Variants in CRK observed in about 807,000 individuals in gnomAD.
CRK encodes adapter molecule crk.
Under a neutral mutation model 29.8 loss-of-function variants are expected in CRK, and 4 were observed. The observed-to-expected ratio is 0.13, with a 90% CI of 0.07 to 0.31. The LOEUF (loss-of-function observed/expected upper bound fraction) is 0.31, where lower values mean the gene tolerates loss of function less well. CRK is among the 10% of genes least tolerant of loss of function. The pLI, the probability that CRK is intolerant of heterozygous loss-of-function variation, is 1.00. For synonymous variants in CRK, 153 were observed against 164.9 expected, an observed-to-expected ratio of 0.93 and a Z score of 0.55; for missense variants, 274 against 396.5, an observed-to-expected ratio of 0.69 and a Z score of 2.62.
At chr17:1,441,381 T>C (rs1478034048) in intron 1 of CRK, among the ~76,000 whole-genome samples, 1 of 152,052 alleles carries the variant, frequency 6.6e-6, no homozygotes, top group African/African-American at 2.4e-5. Context: ...CAAGCTGGAG[T>C]GCAGTAGTGT....
chr17:1,455,965 G>C lies in CRK; in HGVS notation c.153C>G (p.Val51=). ...STSPGDYVLS[V]SENSRVSHYI... ...AGTGGGAGACGCGCGAGTTCTCTGA[G>C]ACGCTGAGCACATAGTCCCCGGGGC... Residue 51 remains valine, a synonymous_variant, in exon 1 of 3, where the codon GTC becomes GTG. Transcript: ENST00000300574. The C allele has an allele frequency of 6.2e-7, 1 of 1,602,868 alleles. No homozygotes were observed. The highest frequency in any genetic ancestry group is 8.5e-7 in the Non-Finnish European group (1 of 1,176,006).
chr17:1,437,072 A>G lies in CRK; in HGVS notation c.325T>C (p.Leu109=), dbSNP rs1291790884. The change falls in exon 2 of 3, where the codon TTG becomes CTG. Residue 109 remains leucine (L), a synonymous_variant. Transcript: ENST00000300574. The part of the protein sequence containing the change: ...ALLEFYKIHY[L]DTTTLIEPVS... ...GGTTCTATCAACGTTGTAGTGTCCA[A>G]ATAGTGTATTTTGTAGAATTCCAGT... 1.2e-6 allele frequency: 2 copies of G among 1,614,064 alleles called. No individual in the cohort carries two copies. Among genetic ancestry groups the G allele is most frequent in the African/African-American group, 2.7e-5 (2 of 74,938 alleles).
At chr17:1,431,569 AG>A (rs1419764491) in intron 2 of CRK, among the ~76,000 whole-genome samples, 14 of 151,646 alleles carry the variant, frequency 9.2e-5, no homozygotes, top group African/African-American at 3.2e-4. Flanking sequence ...AAAATACAAA[AG>A]AAAAAAAAAA....
chr17:1,454,961 C>G (rs1432640567), intron 1 of CRK, among the ~76,000 whole-genome samples: 1 of 152,140 alleles, frequency 6.6e-6, no homozygotes, highest in Non-Finnish European at 1.5e-5. Context: ...TTCCCAATAT[C>G]CAGGAAGACT....
At chr17:1,440,179 G>C (rs996543222) in intron 1 of CRK, among the ~76,000 whole-genome samples, 1 of 151,904 alleles carries the variant, frequency 6.6e-6, no homozygotes, top group Non-Finnish European at 1.5e-5. Context: ...GGCACCTGTA[G>C]TCCCAGCTGC....
At position 1,422,789 on chromosome 17, in the gene CRK, A is replaced by T. The variant is rs540777039; in HGVS notation, c.*724T>A. 99 of 397,264 alleles carry T rather than the reference A, an allele frequency of 2.5e-4. No homozygotes were observed. The highest frequency in any genetic ancestry group is 4.1e-4 in the Non-Finnish European group (92 of 225,616). The allele number at this position is 397,264 out of a possible 1,614,324, so 24.6% of individuals were successfully genotyped here. A position where few individuals can be genotyped will look rare whatever the true frequency, so the allele number is the denominator to read the frequency against. On this transcript the variant is annotated 3_prime_UTR_variant, in exon 3 of 3. Transcript: ENST00000300574. The stretch of plus-strand genomic sequence containing the variant: ...TGGCTGTCCACTTAGTGAATCCAAC[A>T]CTGGCTTAAAGCTATGCACTGAATA...
chr17:1,429,458 G>A (rs2073816220), intron 2 of CRK, among the ~76,000 whole-genome samples: 1 of 151,798 alleles, frequency 6.6e-6, no homozygotes, highest in Non-Finnish European at 1.5e-5. Flanking sequence ...ATTTTTAGTG[G>A]AGACCAGGTT....
In CRK at chr17:1,456,136, A is replaced by G; in HGVS notation, c.-19T>C. On this transcript the variant is annotated 5_prime_UTR_variant, in exon 1 of 3. Coordinates refer to ENST00000300574, the MANE Select transcript of CRK (RefSeq NM_016823.4). The stretch of plus-strand genomic sequence containing the variant: ...CCGCCATGGCTGCCTCCGCGCCTAA[A>G]CGCTGGGGTGCCGCCGCCGCGCGCG... 6.7e-7 allele frequency: 1 copy of G among 1,488,118 alleles called. No homozygotes were observed. The highest frequency in any genetic ancestry group is 8.9e-7 in the Non-Finnish European group (1 of 1,120,034). 92.2% of individuals were successfully genotyped at this position (1,488,118 alleles called of 1,614,324 possible).
chr17:1,452,159 T>A (rs142091777), intron 1 of CRK, among the ~76,000 whole-genome samples: 10 of 152,302 alleles, frequency 6.6e-5, no homozygotes, highest in African/African-American at 2.4e-4. Flanking sequence ...TAGGTTCAAC[T>A]TCTGAAAGTC....
rs753802965 is a variant in CRK at position 1,435,993 on chromosome 17, G to A, written c.777+627C>T. On this transcript the variant is annotated intron_variant, in intron 2 of 2. Transcript: ENST00000300574. ...GGCCAGAAGGAAGTGGGCTGCCAAAGATATTTCATCAGTAAAGGCAAAAAT... is the reference window on the plus strand; with the variant it reads ...GGCCAGAAGGAAGTGGGCTGCCAAAAATATTTCATCAGTAAAGGCAAAAAT... Among the ~76,000 whole-genome samples the A allele has an allele frequency of 2.1e-4, 32 of 152,160 alleles. 1 individual carries two copies. Among genetic ancestry groups the A allele is most frequent in the African/African-American group, 6.8e-4 (28 of 41,446 alleles).
At chr17:1,450,737 T>C (rs1206929067) in intron 1 of CRK, among the ~76,000 whole-genome samples, 2 of 151,328 alleles carry the variant, frequency 1.3e-5, no homozygotes, top group African/African-American at 4.9e-5. Context: ...TACAAAAAAA[T>C]TGGCTGGGCA....
In CRK at chr17:1,433,171, A is replaced by T. The variant is rs531607984; in HGVS notation, c.777+3449T>A. On this transcript the variant is annotated intron_variant, in intron 2 of 2. Coordinates refer to ENST00000300574, the MANE Select transcript of CRK (RefSeq NM_016823.4). ...AATGCGTTCCAGAGATAATGAGAAC[A>T]AAATCAGAACCCAAATGGTATCAAT... Among the ~76,000 whole-genome samples, 4 of 152,358 alleles carry T rather than the reference A, an allele frequency of 2.6e-5. No individual in the cohort carries two copies. The South Asian group carries it at 8.3e-4, about 32-fold the overall frequency.
In CRK at chr17:1,436,923, G is replaced by A. The variant is rs1461532587; in HGVS notation, c.474C>T (p.Ile158=). The A allele has an allele frequency of 3.1e-6, 5 of 1,614,050 alleles. No individual in the cohort carries two copies. The highest frequency in any genetic ancestry group is 1.7e-5 in the Admixed American group (1 of 59,994). Residue 158 remains isoleucine, a synonymous_variant, in exon 2 of 3, where the codon ATC becomes ATT. Coordinates refer to ENST00000300574, the MANE Select transcript of CRK (RefSeq NM_016823.4). ...EEDLPFKKGD[I]LRIRDKPEEQ... is the part of the protein sequence containing the mutation. ...CTTCAGGCTTGTCCCGGATTCTCAA[G>A]ATGTCTCCTTTCTTAAAGGGAAGAT... is the stretch of plus-strand genomic sequence containing the variant.
chr17:1,440,964 G>C (rs1200230008), intron 1 of CRK, among the ~76,000 whole-genome samples: 1 of 152,180 alleles, frequency 6.6e-6, no homozygotes, highest in African/African-American at 2.4e-5. Context: ...TCTTGTGACA[G>C]AGTGGTCTGG....
At position 1,420,837 on chromosome 17, in the gene CRK, G is replaced by A. The variant is rs536331949; in HGVS notation, c.*2676C>T. On this transcript the variant is annotated 3_prime_UTR_variant, in exon 3 of 3. Transcript: ENST00000300574. ...AAGTGTATAGTGTTATAATACAATGGCACATGTTTATATTTTATTTCAAAT... is the reference window on the plus strand; with the variant it reads ...AAGTGTATAGTGTTATAATACAATGACACATGTTTATATTTTATTTCAAAT... 3.3e-5 allele frequency: 5 copies of A among 151,852 alleles called. No homozygotes were observed. Among genetic ancestry groups the A allele is most frequent in the African/African-American group, 1.2e-4 (5 of 41,420 alleles). 9.4% of individuals were successfully genotyped at this position (151,852 alleles called of 1,614,324 possible).
chr17:1,440,409 G>T (rs1465282428), intron 1 of CRK, among the ~76,000 whole-genome samples: 2 of 152,152 alleles, frequency 1.3e-5, no homozygotes, highest in African/African-American at 4.8e-5. Flanking sequence ...AGTACACTGA[G>T]CCATGATCGT....
intron 1 of CRK, 70 bp from the exon 2 acceptor site, chr17:1,437,225 T>A (rs1392129726): frequency 7.5e-6 from 11 of 1,469,202 alleles, no homozygotes; most frequent in Non-Finnish European, 1.0e-5. Context: ...ATTTTATTTT[T>A]ATTTTTTTTA....
intron 2 of CRK, among the ~76,000 whole-genome samples, chr17:1,432,191 G>A (rs1432515577): frequency 3.3e-5 from 5 of 152,054 alleles, no homozygotes; most frequent in African/African-American, 1.2e-4. Context: ...GAATGTTTAA[G>A]AATAAAGACA....
chr17:1,447,752 G>A (rs1042499569), intron 1 of CRK, among the ~76,000 whole-genome samples: 1 of 151,488 alleles, frequency 6.6e-6, no homozygotes, highest in Non-Finnish European at 1.5e-5. Context: ...GAGTAGCTGG[G>A]ATTACAGGCG....
Sources: allele counts gnomAD v4.1 joint callset (sites outside exome capture counted in the v4.1 genomes callset), GRCh38; gene constraint gnomAD v4.1.1; transcripts MANE v1.5; gene names NCBI Gene and HGNC (gene_info 2026-07-23, HGNC 2026-07-21).